The following RUVBL1 variants were observed in gnomAD, a reference collection of about 807,000 sequenced individuals.
The protein encoded by RUVBL1 is ruvB-like 1.
In RUVBL1, 4 loss-of-function variants were observed where a neutral mutation model predicts 52.4. The observed-to-expected ratio is 0.08, with a 90% CI of 0.04 to 0.17. The LOEUF (loss-of-function observed/expected upper bound fraction) is 0.17, where lower values mean the gene tolerates loss of function less well. RUVBL1 is among the 10% of genes least tolerant of loss of function. RUVBL1 has a pLI of 1.00. For synonymous variants in RUVBL1, 217 were observed against 214.4 expected (o/e 1.01, Z -0.10); for missense variants, 298 against 572.8 (o/e 0.52, Z 4.90).
exon 10 of RUVBL1, chr3:128,065,130 G>A: frequency 7.7e-7 from 1 of 1,299,222 alleles, no homozygotes; most frequent in Non-Finnish European, 1.1e-6. Flanking sequence ...GGGGTGCACT[G>A]TCATCATATT....
chr3:128,151,525 C>T (rs1008439859), intron 1 of RUVBL1, among the ~76,000 whole-genome samples: 2 of 151,896 alleles, frequency 1.3e-5, no homozygotes, highest in Admixed American at 6.6e-5. Flanking sequence ...TTTACTAACC[C>T]TCCCTTTTAA....
chr3:128,088,528 C>A (rs1276433427), intron 8 of RUVBL1, among the ~76,000 whole-genome samples: 2 of 149,548 alleles, frequency 1.3e-5, no homozygotes, highest in East Asian at 1.9e-4. Context: ...ACTAATTATA[C>A]TCTATAGTAT....
chr3:128,100,493 C>G (rs1943086809), intron 6 of RUVBL1, 102 bp downstream of exon 6: 1 of 1,395,034 alleles, frequency 7.2e-7, no homozygotes, highest in Admixed American at 2.5e-5. Flanking sequence ...AAAGGACCGT[C>G]TACCTCAAGA....
chr3:128,065,180 TC>T, exon 10 of RUVBL1: 1 of 950,712 alleles, frequency 1.1e-6, no homozygotes, highest in Non-Finnish European at 1.7e-6. Flanking sequence ...GCAGCAGGTT[TC>T]CAGATGAGCT....
chr3:128,130,595 CA>C (rs71153121), intron 1 of RUVBL1, among the ~76,000 whole-genome samples: 58,576 of 104,658 alleles, frequency 0.56, 15,246 homozygotes, highest in East Asian at 0.81. Context: ...CCCATCTCTA[CA>C]AAAAAAAAAA....
intron 3 of RUVBL1, among the ~76,000 whole-genome samples, chr3:128,105,865 C>CTTTTTTTTTTTT (rs11311563): frequency 1.1e-5 from 1 of 88,910 alleles, no homozygotes; most frequent in Non-Finnish European, 2.2e-5. Context: ...TTCCCTTTTT[C>CTTTTTTTTTTTT]TTTTTTTTTT....
intron 1 of RUVBL1, among the ~76,000 whole-genome samples, chr3:128,148,014 G>A (rs971086601): frequency 6.6e-6 from 1 of 152,198 alleles, no homozygotes; most frequent in African/African-American, 2.4e-5. Context: ...CCTACTGTTT[G>A]CTTCCACTTA....
At chr3:128,123,870 C>T, upstream of RUVBL1, 1 of 1,338,686 alleles carries the variant, frequency 7.5e-7, no homozygotes, top group Non-Finnish European at 9.6e-7. Flanking sequence ...GCGGGAACAC[C>T]TCCGCTCTCC....
intron 4 of RUVBL1, among the ~76,000 whole-genome samples, chr3:128,102,665 G>A (rs1182413697): frequency 6.6e-6 from 1 of 152,238 alleles, no homozygotes; most frequent in Non-Finnish European, 1.5e-5. Context: ...ATTAGTAGTT[G>A]CCGAGGGCTA....
chr3:128,073,964 A>G (rs1215627921), intron 9 of RUVBL1, among the ~76,000 whole-genome samples: 2 of 152,222 alleles, frequency 1.3e-5, no homozygotes, highest in African/African-American at 4.8e-5. Context: ...AGAATACAGA[A>G]AGCAAGAAAC....
At chr3:128,144,403 CAG>C (rs1347716713) in intron 1 of RUVBL1, among the ~76,000 whole-genome samples, 1 of 152,184 alleles carries the variant, frequency 6.6e-6, no homozygotes, top group Non-Finnish European at 1.5e-5. Flanking sequence ...ATTAAAGAAA[CAG>C]AAAGGAACCA....
At chr3:128,068,719 G>A in intron 9 of RUVBL1, 1 of 153,066 alleles carries the variant, frequency 6.5e-6, no homozygotes, top group African/African-American at 2.4e-5. Context: ...GTTAGGTAAG[G>A]AAGGGCAAAG....
chr3:128,068,803 A>G (rs367945939), intron 9 of RUVBL1: 2 of 152,568 alleles, frequency 1.3e-5, no homozygotes, highest in East Asian at 3.9e-4. Context: ...CATCTCTTCC[A>G]TCGTCACTCA....
chr3:128,130,638 T>C (rs896771827), intron 1 of RUVBL1, among the ~76,000 whole-genome samples: 2 of 145,004 alleles, frequency 1.4e-5, no homozygotes, highest in African/African-American at 5.3e-5. Flanking sequence ...TGTATTTATT[T>C]ATTTATTTAT....
chr3:128,079,653 G>A (rs1942418163), downstream of RUVBL1, among the ~76,000 whole-genome samples: 1 of 152,210 alleles, frequency 6.6e-6, no homozygotes, highest in Admixed American at 6.5e-5. Flanking sequence ...CACCACTGCT[G>A]TGCATGCCAG....
At chr3:128,104,746 G>T in intron 4 of RUVBL1, 27 bp downstream of exon 4, 1 of 1,582,462 alleles carries the variant, frequency 6.3e-7, no homozygotes, top group Non-Finnish European at 8.7e-7. Flanking sequence ...AGAGTCAAGG[G>T]AAAAGAGGCC....
chr3:128,114,121 G>C lies in RUVBL1; in HGVS notation c.229-1101C>G, dbSNP rs527676190. Among the ~76,000 whole-genome samples the C allele has an allele frequency of 5.9e-5, 9 of 152,292 alleles. 1 individual carries two copies. The South Asian group carries it at 6.2e-4, about 11-fold the overall frequency. On this transcript the variant is annotated intron_variant, in intron 2 of 10. Coordinates refer to ENST00000322623, the MANE Select transcript of RUVBL1 (RefSeq NM_003707.3). ...CAAATGTCAAGTATGGCAAGCAAAT[G>C]CTTTAAAGTTGGTACAGAACTGGGC... is the stretch of plus-strand genomic sequence containing the variant.
chr3:128,124,817 C>G (rs1226014931), upstream of RUVBL1, among the ~76,000 whole-genome samples: 2 of 152,064 alleles, frequency 1.3e-5, no homozygotes, highest in Admixed American at 1.3e-4. Flanking sequence ...GTGATGTTGC[C>G]TTGGCTGAAT....
intron 8 of RUVBL1, among the ~76,000 whole-genome samples, chr3:128,090,854 A>G (rs1479557789): frequency 6.6e-6 from 1 of 152,216 alleles, no homozygotes; most frequent in Non-Finnish European, 1.5e-5. Flanking sequence ...CCACATTAAA[A>G]TATCCCAAGG....
Sources: gnomAD v4.1 joint callset for allele counts (sites outside exome capture counted in the v4.1 genomes callset) on GRCh38, gnomAD v4.1.1 for gene constraint, MANE v1.5 for transcripts, NCBI Gene and HGNC (gene_info 2026-07-23, HGNC 2026-07-21) for gene names.